GRM8: variants seen among roughly 807,000 people sequenced by gnomAD.
GRM8 encodes metabotropic glutamate receptor 8.
In GRM8, 47 loss-of-function variants were observed where a neutral mutation model predicts 87.2. The ratio of observed to expected loss-of-function variants is 0.54; its 90% CI spans 0.43 to 0.69. GRM8 has a LOEUF of 0.69. Ranked by LOEUF, GRM8 falls within the 30% of genes least tolerant of loss-of-function variation. The pLI is 0.00. For missense variants in GRM8, 1,019 were observed against 1,139.2 expected (o/e 0.89, Z 1.52); for synonymous variants, 396 against 404.5 (o/e 0.98, Z 0.25).
At chr7:127,030,293 C>CAGGAGGGG (rs796353036) in intron 3 of GRM8, among the ~76,000 whole-genome samples, 2 of 113,218 alleles carry the variant, frequency 1.8e-5, no homozygotes, top group African/African-American at 8.0e-5. Context: ...AAGCACTCCC[C>CAGGAGGGG]AGAAGGTTCA....
chr7:127,060,910 T>A (rs1820539474), intron 3 of GRM8, among the ~76,000 whole-genome samples: 1 of 152,194 alleles, frequency 6.6e-6, no homozygotes, highest in South Asian at 2.1e-4. Context: ...AGTTCAGGGT[T>A]CCACATATTT....
chr7:126,664,346 A>G (rs1371203516), intron 7 of GRM8, among the ~76,000 whole-genome samples: 1 of 152,240 alleles, frequency 6.6e-6, no homozygotes, highest in Non-Finnish European at 1.5e-5. Flanking sequence ...CTAAGCAAAA[A>G]GAACAAAGCC....
chr7:126,911,034 A>G (rs923599514), intron 3 of GRM8, among the ~76,000 whole-genome samples: 1 of 152,214 alleles, frequency 6.6e-6, no homozygotes, highest in African/African-American at 2.4e-5. Context: ...AATGTAGCAT[A>G]TTATTATTAG....
chr7:127,046,503 C>T (rs1366607358), intron 3 of GRM8, among the ~76,000 whole-genome samples: 3 of 152,108 alleles, frequency 2.0e-5, no homozygotes, highest in Non-Finnish European at 4.4e-5. Flanking sequence ...TCTCGCTGTG[C>T]CTCAGTTTTC....
intron 7 of GRM8, among the ~76,000 whole-genome samples, chr7:126,625,370 G>A (rs1370515520): frequency 6.6e-6 from 1 of 151,644 alleles, no homozygotes; most frequent in Non-Finnish European, 1.5e-5. Flanking sequence ...ACCAAATATA[G>A]AAGTATTAAA....
intron 1 of GRM8, among the ~76,000 whole-genome samples, chr7:127,246,496 T>C (rs1042008026): frequency 2.0e-5 from 3 of 152,164 alleles, no homozygotes; most frequent in Middle Eastern, 6.3e-3. Context: ...ACAAATCCTC[T>C]CAGCACTATG....
chr7:126,564,084 T>G (rs1042719653), intron 8 of GRM8, among the ~76,000 whole-genome samples: 1 of 152,226 alleles, frequency 6.6e-6, no homozygotes, highest in South Asian at 2.1e-4. Context: ...ATTAGCAGTT[T>G]GGGTGGTCCC....
At chr7:127,152,711 A>T (rs1792472471) in intron 2 of GRM8, among the ~76,000 whole-genome samples, 1 of 152,146 alleles carries the variant, frequency 6.6e-6, no homozygotes, top group Non-Finnish European at 1.5e-5. Flanking sequence ...AGGTATTATG[A>T]TACAGAGATT....
intron 2 of GRM8, among the ~76,000 whole-genome samples, chr7:127,155,275 T>A (rs1792650442): frequency 6.6e-6 from 1 of 152,184 alleles, no homozygotes; most frequent in African/African-American, 2.4e-5. Flanking sequence ...ATACATCCAG[T>A]TGGTCTGATC....
intron 6 of GRM8, among the ~76,000 whole-genome samples, chr7:126,826,969 G>C (rs1224073742): frequency 6.6e-6 from 1 of 152,154 alleles, no homozygotes; most frequent in Non-Finnish European, 1.5e-5. Flanking sequence ...TATTAAATAG[G>C]GAATCCTTTC....
chr7:127,002,800 C>T (rs1213346651), intron 3 of GRM8, among the ~76,000 whole-genome samples: 1 of 151,700 alleles, frequency 6.6e-6, no homozygotes, highest in Non-Finnish European at 1.5e-5. Flanking sequence ...TTCCTCTTTG[C>T]ACAGATATAA....
At chr7:126,656,563 G>A (rs1197752932) in intron 7 of GRM8, among the ~76,000 whole-genome samples, 2 of 152,066 alleles carry the variant, frequency 1.3e-5, no homozygotes, top group Non-Finnish European at 2.9e-5. Flanking sequence ...AGCTGCTCAG[G>A]AGGCTGAGGC....
At chr7:126,711,789 T>C (rs556297483) in intron 7 of GRM8, among the ~76,000 whole-genome samples, 1 of 152,352 alleles carries the variant, frequency 6.6e-6, no homozygotes, top group South Asian at 2.1e-4. Context: ...TTTTATGTTA[T>C]GGAGATGGCC....
intron 7 of GRM8, among the ~76,000 whole-genome samples, chr7:126,732,181 T>G (rs1813679901): frequency 6.6e-6 from 1 of 152,104 alleles, no homozygotes; most frequent in African/African-American, 2.4e-5. Context: ...ATTAAATGTT[T>G]AATATAATTT....
At chr7:126,477,588 AAAGAAAGAAAG>A (rs1348788363) in intron 9 of GRM8, among the ~76,000 whole-genome samples, 3 of 83,316 alleles carry the variant, frequency 3.6e-5, no homozygotes, top group Non-Finnish European at 7.1e-5. Flanking sequence ...AGAGAGAAAG[AAAGAAAGAAAG>A]AAAGAAAGAA....
chr7:127,207,313 C>T (rs558913794), intron 2 of GRM8, among the ~76,000 whole-genome samples: 3 of 151,908 alleles, frequency 2.0e-5, no homozygotes, highest in Non-Finnish European at 2.9e-5. Context: ...CTATGTGTCT[C>T]GGTAATTCAT....
At chr7:127,107,877 C>T (rs1486544499) in intron 2 of GRM8, among the ~76,000 whole-genome samples, 1 of 152,180 alleles carries the variant, frequency 6.6e-6, no homozygotes, top group East Asian at 1.9e-4. Context: ...GTTCCTAAAA[C>T]GTAAAAGTCA....
intron 6 of GRM8, among the ~76,000 whole-genome samples, chr7:126,838,417 G>A (rs1262212008): frequency 6.6e-6 from 1 of 152,108 alleles, no homozygotes; most frequent in African/African-American, 2.4e-5. Context: ...TGGGGTTTTT[G>A]CACTTATATG....
At chr7:126,492,605 A>G (rs1808153769) in intron 9 of GRM8, among the ~76,000 whole-genome samples, 1 of 152,072 alleles carries the variant, frequency 6.6e-6, no homozygotes, top group Non-Finnish European at 1.5e-5. Context: ...TTATTAATAT[A>G]GTTGGGTCAC....
Sources: gnomAD v4.1 joint callset for allele counts (sites outside exome capture counted in the v4.1 genomes callset) on GRCh38, gnomAD v4.1.1 for gene constraint, MANE v1.5 for transcripts, NCBI Gene and HGNC (gene_info 2026-07-23, HGNC 2026-07-21) for gene names.